HTT: variants seen among roughly 807,000 people sequenced by gnomAD.
HTT encodes the protein huntingtin.
HTT carries 104 observed loss-of-function variants against 362.3 expected under a neutral mutation model. That is an observed-to-expected ratio of 0.29 (90% CI 0.24 to 0.34). The LOEUF (loss-of-function observed/expected upper bound fraction) is 0.34, where lower values mean the gene tolerates loss of function less well. Ranked by LOEUF, HTT falls within the 10% of genes least tolerant of loss-of-function variation. The probability of loss-of-function intolerance (pLI) is 1.00; values close to 1 mark genes in which losing one functional copy is unlikely to be tolerated. For synonymous variants in HTT, 1,577 were observed against 1,548.7 expected, an observed-to-expected ratio of 1.02 and a Z score of -0.43; for missense variants, 3,301 against 3,928.6, an observed-to-expected ratio of 0.84 and a Z score of 4.27.
rs1188296509 is a variant in HTT, at chr4:3,211,985, T to C, written c.6471T>C (p.Ser2157=). ...TAAGCCTAGGGATGAGTGAAATTTC[T>C]GGTGGCCAGAAGAGTGCCCTTTTTG... The part of the protein sequence containing the change: ...PCLSLGMSEI[S]GGQKSALFEA... The change falls in exon 48 of 67, where the codon TCT becomes TCC. Residue 2157 remains serine, a synonymous_variant. Coordinates refer to ENST00000355072, the MANE Select transcript of HTT (RefSeq NM_001388492.1). The C allele has an allele frequency of 6.2e-7, 1 of 1,614,112 alleles. No homozygotes were observed. The highest frequency in any genetic ancestry group is 1.3e-5 in the African/African-American group (1 of 74,946).
In HTT at chr4:3,214,102, C is replaced by A; in HGVS notation, c.6919C>A (p.Leu2307Ile). 1.3e-6 allele frequency: 2 copies of A among 1,586,094 alleles called. No individual in the cohort carries two copies. Among genetic ancestry groups the A allele is most frequent in the East Asian group, 2.3e-5 (1 of 43,112 alleles). ...STEFVTHACSLIYCVHFILEA... is the reference protein window; with the variant it reads ...STEFVTHACSIIYCVHFILEA... ...AGAGTTTGTGACCCACGCCTGCTCC[C>A]TCATCTACTGTGTGCACTTCATCCT... Residue 2307 changes from leucine (L) to isoleucine (I), a missense_variant, in exon 50 of 67, where the codon CTC becomes ATC. By Grantham distance (5) the Leu-to-Ile change is conservative. Transcript: ENST00000355072.
At chr4:3,112,421 C>A (rs1714801558) in intron 6 of HTT, among the ~76,000 whole-genome samples, 1 of 152,216 alleles carries the variant, frequency 6.6e-6, no homozygotes, top group South Asian at 2.1e-4. Context: ...CCCTATTCCC[C>A]CGTCACTGCT....
intron 47 of HTT, among the ~76,000 whole-genome samples, chr4:3,210,770 G>A (rs1024439114): frequency 9.2e-5 from 14 of 152,316 alleles, no homozygotes; most frequent in African/African-American, 3.1e-4. Flanking sequence ...TGTAGAGGCC[G>A]GGAGTGACGG....
At chr4:3,092,190 T>C (rs1713546919) in intron 2 of HTT, among the ~76,000 whole-genome samples, 1 of 151,790 alleles carries the variant, frequency 6.6e-6, no homozygotes, top group Non-Finnish European at 1.5e-5. Flanking sequence ...ACCCGGCTAA[T>C]TTTTTGTATT....
At position 3,240,577 on chromosome 4, in the gene HTT, A is replaced by G. The variant is rs1047441454; in HGVS notation, c.*518A>G. 1 of 159,486 alleles carries G rather than the reference A, an allele frequency of 6.3e-6. No homozygotes were observed. Among genetic ancestry groups the G allele is most frequent in the African/African-American group, 2.4e-5 (1 of 41,552 alleles). 9.9% of individuals were successfully genotyped at this position (159,486 alleles called of 1,614,324 possible). ...GGGCCAGTGGCTGGGGGTGCTAGAC[A>G]CCCGGCACCATTCTCCCTTCTCTCT... On this transcript the variant is annotated 3_prime_UTR_variant, in exon 67 of 67. Transcript: ENST00000355072.
intron 6 of HTT, among the ~76,000 whole-genome samples, chr4:3,112,505 A>T (rs914230847): frequency 6.6e-6 from 1 of 152,190 alleles, no homozygotes. Flanking sequence ...GTGTACATAG[A>T]CCATGGATTA....
At chr4:3,226,504 T>G (rs1439695260) in intron 57 of HTT, among the ~76,000 whole-genome samples, 8 of 152,288 alleles carry the variant, frequency 5.3e-5, no homozygotes, top group Non-Finnish European at 1.0e-4. Context: ...CGTAGGGCCA[T>G]TTGCATATGA....
chr4:3,228,976 C>G lies in HTT; in HGVS notation c.8076C>G (p.Thr2692=). The G allele has an allele frequency of 6.2e-7, 1 of 1,613,752 alleles. No individual in the cohort carries two copies. Among genetic ancestry groups the G allele is most frequent in the Admixed American group, 1.7e-5 (1 of 59,986 alleles). The change falls in exon 59 of 67, where the codon ACC becomes ACG. Residue 2692 remains threonine, a synonymous_variant. Transcript: ENST00000355072. The surrounding 1 kb of genome is among the most constrained non-coding windows in gnomAD (Gnocchi z 4.3). ...TGCCGTCCAGCTCAGCCAGGAGGAC[C>G]CCGGCCATCCTGATCAGTGAGGTGG... ...WILPSSSARR[T]PAILISEVVR...
chr4:3,198,366 A>G (rs1378679795), intron 40 of HTT, among the ~76,000 whole-genome samples: 1 of 151,818 alleles, frequency 6.6e-6, no homozygotes, highest in Non-Finnish European at 1.5e-5. Context: ...CTGGGATTAC[A>G]GGCACCCGCC....
At chr4:3,181,020 GCA>G (rs1718500931) in intron 36 of HTT, among the ~76,000 whole-genome samples, 1 of 152,012 alleles carries the variant, frequency 6.6e-6, no homozygotes, top group Admixed American at 6.6e-5. Context: ...GGGATTACAG[GCA>G]TGCACCACCA....
rs78971974 is a variant in HTT at position 3,225,756 on chromosome 4, C to G, written c.7848+13C>G. ...CAAACTCGGCCAGGTCAGTCTCGCG[C>G]CCCCGCCGCCTGGCCTCTGTCCGTT... On this transcript the variant is annotated intron_variant, in intron 57 of 66. Transcript: ENST00000355072. 6.2e-7 allele frequency: 1 copy of G among 1,606,438 alleles called. No homozygotes were observed. The highest frequency in any genetic ancestry group is 8.5e-7 in the Non-Finnish European group (1 of 1,175,136).
intron 51 of HTT, among the ~76,000 whole-genome samples, chr4:3,217,089 T>C (rs1330337423): frequency 1.3e-5 from 2 of 152,062 alleles, no homozygotes; most frequent in African/African-American, 2.4e-5. Flanking sequence ...TTAAGTCCAA[T>C]GAGAAGTCCT....
chr4:3,137,854 A>G (rs984591346), intron 21 of HTT, among the ~76,000 whole-genome samples: 3 of 152,196 alleles, frequency 2.0e-5, no homozygotes, highest in African/African-American at 4.8e-5. Flanking sequence ...AAAGTATTCT[A>G]TTATATGAAT....
intron 40 of HTT, among the ~76,000 whole-genome samples, 161 bp downstream of exon 40, chr4:3,189,254 C>T (rs940709649): frequency 1.3e-5 from 2 of 152,174 alleles, no homozygotes; most frequent in African/African-American, 4.8e-5. Context: ...TACCATGTGA[C>T]CCAGCAGTTC....
intron 61 of HTT, among the ~76,000 whole-genome samples, chr4:3,234,870 C>A (rs182610825): frequency 6.6e-6 from 1 of 152,162 alleles, no homozygotes; most frequent in African/African-American, 2.4e-5. Flanking sequence ...CCGGCGCTGT[C>A]GGGGGATCAC....
chr4:3,175,483 A>G (rs905049412), intron 33 of HTT, among the ~76,000 whole-genome samples: 7 of 152,222 alleles, frequency 4.6e-5, no homozygotes, highest in African/African-American at 1.4e-4. Context: ...CAGATTATCA[A>G]TTATTACCAT....
chr4:3,118,182 T>G (rs183844781), intron 8 of HTT, among the ~76,000 whole-genome samples: 27 of 152,370 alleles, frequency 1.8e-4, no homozygotes, highest in African/African-American at 6.3e-4. Context: ...AGGAAAAGCC[T>G]TGTCAGATTT....
chr4:3,219,357 C>T (rs553773778), intron 52 of HTT, among the ~76,000 whole-genome samples: 2 of 152,252 alleles, frequency 1.3e-5, no homozygotes, highest in African/African-American at 4.8e-5. Context: ...CCAGGACGGG[C>T]TGCACGCTGT....
intron 1 of HTT, among the ~76,000 whole-genome samples, chr4:3,078,937 G>A (rs548440773): frequency 6.6e-5 from 10 of 152,226 alleles, no homozygotes; most frequent in Admixed American, 5.2e-4. Flanking sequence ...GGGTTTCACC[G>A]TGTTAGCCAG....
Sources: gnomAD v4.1 joint callset for allele counts (sites outside exome capture counted in the v4.1 genomes callset) on GRCh38, gnomAD v4.1.1 for gene constraint, Gnocchi (gnomAD v3.1) non-coding constraint, MANE v1.5 for transcripts, NCBI Gene and HGNC (gene_info 2026-07-23, HGNC 2026-07-21) for gene names.